The following LRP1B variants were observed in gnomAD, a reference collection of about 807,000 sequenced individuals.
LRP1B encodes the protein low-density lipoprotein receptor-related protein 1B.
Under a neutral mutation model 556.6 loss-of-function variants are expected in LRP1B, and 217 were observed. That is an observed-to-expected ratio of 0.39 (90% confidence interval 0.35 to 0.44). LRP1B has a LOEUF of 0.44. LRP1B is among the 20% of genes least tolerant of loss of function. The pLI is 1.00. For missense variants in LRP1B, 5,053 were observed against 5,620.8 expected, an observed-to-expected ratio of 0.90 and a Z score of 3.23; for synonymous variants, 2,047 against 1,865.8, an observed-to-expected ratio of 1.10 and a Z score of -2.50.
At chr2:141,767,924 G>T (rs561507692) in intron 2 of LRP1B, among the ~76,000 whole-genome samples, 1 of 152,212 alleles carries the variant, frequency 6.6e-6, no homozygotes, top group South Asian at 2.1e-4. Context: ...GTAATCATTT[G>T]CATGGCTGGT....
rs143653677 is a variant in LRP1B at position 140,809,819 on chromosome 2, C to T, written c.5359+3838G>A. ...AAAATCTTGACTGCCTTTCTTCCCA[C>T]GTGTACTTCTTCACTGGGCTGCTTG... On this transcript the variant is annotated intron_variant, in intron 32 of 90. Transcript: ENST00000389484. 1.9e-3 allele frequency among the ~76,000 whole-genome samples: 283 copies of T among 152,240 alleles called. 1 individual carries two copies. Among genetic ancestry groups the T allele is most frequent in the African/African-American group, 6.7e-3 (280 of 41,552 alleles).
intron 37 of LRP1B, among the ~76,000 whole-genome samples, chr2:140,711,103 A>T (rs1019757105): frequency 2.0e-5 from 3 of 152,058 alleles, no homozygotes; most frequent in African/African-American, 7.2e-5. Context: ...AAGTCGTTTT[A>T]AGGAAGAAGG....
chr2:141,305,763 T>C (rs1325400393), intron 3 of LRP1B, among the ~76,000 whole-genome samples: 2 of 152,214 alleles, frequency 1.3e-5, no homozygotes, highest in Non-Finnish European at 2.9e-5. Context: ...TGTATGTTCC[T>C]TCTATGCCTA....
intron 18 of LRP1B, among the ~76,000 whole-genome samples, chr2:140,971,609 A>G (rs1696426910): frequency 6.6e-6 from 1 of 152,304 alleles, no homozygotes; most frequent in South Asian, 2.1e-4. Context: ...AGATGGGCAG[A>G]TCACGACAAG....
intron 31 of LRP1B, among the ~76,000 whole-genome samples, chr2:140,814,443 A>G (rs780508954): frequency 3.3e-5 from 5 of 152,192 alleles, no homozygotes; most frequent in Non-Finnish European, 5.9e-5. Flanking sequence ...GTTCATAGCT[A>G]GTTAGTGGAC....
chr2:140,257,401 C>A (rs772372418), intron 86 of LRP1B, among the ~76,000 whole-genome samples: 1 of 151,950 alleles, frequency 6.6e-6, no homozygotes, highest in Non-Finnish European at 1.5e-5. Flanking sequence ...TATTTAAGAC[C>A]AAGAATATGT....
chr2:140,878,989 CAAAA>C (rs3063609), intron 25 of LRP1B, among the ~76,000 whole-genome samples: 18 of 135,760 alleles, frequency 1.3e-4, no homozygotes, highest in Admixed American at 1.5e-4. Flanking sequence ...ACTCTGTTTC[CAAAA>C]AAAAAAAAAA....
At chr2:140,669,330 A>C (rs577235449) in intron 41 of LRP1B, among the ~76,000 whole-genome samples, 1 of 152,276 alleles carries the variant, frequency 6.6e-6, no homozygotes, top group East Asian at 1.9e-4. Context: ...ATCCAACTTT[A>C]TTCTTTATTG....
intron 16 of LRP1B, 80 bp downstream of exon 16, chr2:140,993,915 T>A: frequency 7.1e-7 from 1 of 1,406,092 alleles, no homozygotes; most frequent in Non-Finnish European, 9.8e-7. Context: ...ATTTTCAGAT[T>A]GTCACAAACT....
intron 18 of LRP1B, among the ~76,000 whole-genome samples, chr2:140,974,622 G>A (rs979700028): frequency 1.3e-5 from 2 of 152,298 alleles, no homozygotes; most frequent in Non-Finnish European, 2.9e-5. Flanking sequence ...AGAAGGAAAA[G>A]AAGAGAGACA....
At chr2:141,712,341 T>G (rs1662537313) in intron 2 of LRP1B, among the ~76,000 whole-genome samples, 1 of 151,828 alleles carries the variant, frequency 6.6e-6, no homozygotes. Context: ...TCACGTCAAC[T>G]GTACTCCAGC....
intron 20 of LRP1B, among the ~76,000 whole-genome samples, chr2:140,948,243 G>A (rs572373848): frequency 1.9e-4 from 29 of 152,168 alleles, no homozygotes; most frequent in Non-Finnish European, 4.1e-4. Context: ...GACCACAGAC[G>A]CACACCCCAC....
chr2:141,102,428 G>T (rs1487749951), intron 7 of LRP1B, among the ~76,000 whole-genome samples: 1 of 152,034 alleles, frequency 6.6e-6, no homozygotes, highest in East Asian at 1.9e-4. Flanking sequence ...GAGCAAATTA[G>T]GGAGGAAAGG....
At chr2:140,950,881 T>C (rs1016773131) in intron 19 of LRP1B, among the ~76,000 whole-genome samples, 3 of 151,932 alleles carry the variant, frequency 2.0e-5, no homozygotes, top group African/African-American at 7.3e-5. Context: ...ACATTGCTGA[T>C]AAACAGTGGA....
intron 1 of LRP1B, among the ~76,000 whole-genome samples, chr2:141,988,072 A>C (rs1232496158): frequency 6.6e-6 from 1 of 151,922 alleles, no homozygotes; most frequent in African/African-American, 2.4e-5. Context: ...TTAAGGGTAT[A>C]GAATCAATAA....
At position 140,702,507 on chromosome 2, in the gene LRP1B, C is replaced by A. The variant is rs138812147; in HGVS notation, c.6070G>T (p.Ala2024Ser). The change falls in exon 38 of 91, where the codon GCT (alanine) becomes TCT (serine). Residue 2024 changes from alanine (A) to serine (S), a missense_variant. Physicochemically the swap from Ala to Ser is moderately conservative, Grantham distance 99 (BLOSUM62 1). Transcript: ENST00000389484. ...EWGQMPCIGK[A>S]RLDGSEKVVL... The stretch of plus-strand genomic sequence containing the variant: ...ACCTTCTCTGAGCCATCCAAGCGAG[C>A]CTTTCCAATACAGGGCATTTGTCCC... 5.0e-6 allele frequency: 8 copies of A among 1,613,326 alleles called. No individual in the cohort carries two copies. In the South Asian group the frequency reaches 5.5e-5, roughly 11 times the overall value.
chr2:141,720,361 A>G (rs1296739288), intron 2 of LRP1B, among the ~76,000 whole-genome samples: 1 of 152,142 alleles, frequency 6.6e-6, no homozygotes, highest in African/African-American at 2.4e-5. Flanking sequence ...CTGAGTAGAG[A>G]TGACCTGAAT....
At chr2:142,079,627 A>T (rs750988604) in intron 1 of LRP1B, among the ~76,000 whole-genome samples, 2 of 151,986 alleles carry the variant, frequency 1.3e-5, no homozygotes, top group African/African-American at 2.4e-5. Context: ...CTCCTGCCTC[A>T]GCATCCTGAG....
At chr2:141,467,026 C>A (rs564512303) in intron 3 of LRP1B, among the ~76,000 whole-genome samples, 155 of 144,944 alleles carry the variant, frequency 1.1e-3, no homozygotes, top group African/African-American at 3.8e-3. Flanking sequence ...TAGGTATTTG[C>A]CAGTTTTTTG....
Sources: gnomAD v4.1 joint callset for allele counts (sites outside exome capture counted in the v4.1 genomes callset) on GRCh38, gnomAD v4.1.1 for gene constraint, MANE v1.5 for transcripts, NCBI Gene and HGNC (gene_info 2026-07-23, HGNC 2026-07-21) for gene names.